PITPNM2: variants seen among roughly 807,000 people sequenced by gnomAD.
PITPNM2 encodes membrane-associated phosphatidylinositol transfer protein 2.
A neutral mutation model predicts 132.2 loss-of-function variants in PITPNM2; 35 were observed. The ratio of observed to expected loss-of-function variants is 0.26; its 90% CI spans 0.20 to 0.35. The LOEUF is 0.35. PITPNM2 is among the 10% of genes least tolerant of loss of function. The probability of loss-of-function intolerance (pLI) is 1.00; values close to 1 mark genes in which losing one functional copy is unlikely to be tolerated. For synonymous variants in PITPNM2, 738 were observed against 799.2 expected (o/e 0.92, Z 1.29); for missense variants, 1,332 against 1,912.0 (o/e 0.70, Z 5.66).
chr12:122,988,589 G>A (rs1400869985), intron 19 of PITPNM2, 135 bp downstream of exon 19: 2 of 951,140 alleles, frequency 2.1e-6, no homozygotes, highest in Middle Eastern at 3.3e-4. Context: ...GAGCATAAAG[G>A]TGCCCTCATC....
chr12:123,017,250 G>T (rs544103780), intron 3 of PITPNM2, among the ~76,000 whole-genome samples: 163 of 151,372 alleles, frequency 1.1e-3, no homozygotes, highest in African/African-American at 3.7e-3. Context: ...GCGCATGCCT[G>T]TAATCCCAGC....
At chr12:123,043,463 A>C (rs1173059133) in intron 2 of PITPNM2, among the ~76,000 whole-genome samples, 1 of 152,100 alleles carries the variant, frequency 6.6e-6, no homozygotes, top group African/African-American at 2.4e-5. Context: ...GGCAGTGAAG[A>C]GGGGGTCCCA....
At chr12:122,988,964 G>A (rs1360076117) in intron 18 of PITPNM2, 92 bp from the exon 19 acceptor site, 8 of 1,348,286 alleles carry the variant, frequency 5.9e-6, no homozygotes, top group African/African-American at 5.9e-5. Context: ...GCTCAGCCCA[G>A]CACAGTCCCC....
At chr12:123,062,168 C>G (rs893192513) in intron 2 of PITPNM2, among the ~76,000 whole-genome samples, 1 of 152,084 alleles carries the variant, frequency 6.6e-6, no homozygotes, top group Non-Finnish European at 1.5e-5. Flanking sequence ...GTTCCTGAGT[C>G]CCCAGACTCC....
chr12:123,032,984 C>A (rs1270199224), intron 3 of PITPNM2, among the ~76,000 whole-genome samples: 2 of 152,224 alleles, frequency 1.3e-5, no homozygotes, highest in Admixed American at 1.3e-4. Flanking sequence ...CAGAAGGCAG[C>A]TGGGGCTGCA....
chr12:122,988,220 C>T lies in PITPNM2; in HGVS notation c.2997+14G>A, dbSNP rs899628032. 2.8e-5 allele frequency: 45 copies of T among 1,610,006 alleles called. No individual in the cohort carries two copies. Among genetic ancestry groups the T allele is most frequent in the African/African-American group, 9.3e-5 (7 of 74,886 alleles). ...GTGACATCGTGGGGGCCTGGGCGCC[C>T]GGGGGACCCTCACCCGCAGCTTCAC... is the stretch of plus-strand genomic sequence containing the variant. On this transcript the variant is annotated intron_variant, in intron 20 of 25. Transcript: ENST00000320201.
At position 123,021,029 on chromosome 12, in the gene PITPNM2, CAAAAAAAAAAA is replaced by C. The variant is rs910751492; in HGVS notation, c.79-6998_79-6988del. 2.8e-4 allele frequency among the ~76,000 whole-genome samples: 7 copies of C among 25,310 alleles called. No homozygotes were observed. In the East Asian group the frequency reaches 5.1e-3, roughly 18 times the overall value. 16.6% of individuals were successfully genotyped at this position (25,310 alleles called of 152,430 possible). On this transcript the variant is annotated intron_variant, in intron 3 of 25. Transcript: ENST00000320201. The stretch of plus-strand genomic sequence containing the variant: ...AGGCGACAAGAGCGAAATTCCATCT[CAAAAAAAAAAA>C]AAAAAAAAAAAAAAAGAAAGTGATT...
chr12:123,007,008 A>G (rs895980652), intron 6 of PITPNM2, among the ~76,000 whole-genome samples: 4 of 152,196 alleles, frequency 2.6e-5, no homozygotes, highest in African/African-American at 9.7e-5. Context: ...GCCCCAGCGA[A>G]GAAACACACC....
In PITPNM2 at chr12:123,038,719, G is replaced by C. The variant is rs573225944; in HGVS notation, c.-95-4034C>G. On this transcript the variant is annotated intron_variant, in intron 2 of 25. Transcript: ENST00000320201. Reference sequence around the variant, plus strand: ...AGTGGCTTCCCACCATGTGCCCCTGGCATGGCCAGGCTGCATCTTGGGGAG... The same window carrying C: ...AGTGGCTTCCCACCATGTGCCCCTGCCATGGCCAGGCTGCATCTTGGGGAG... 4.0e-5 allele frequency among the ~76,000 whole-genome samples: 6 copies of C among 151,696 alleles called. No individual in the cohort carries two copies. The East Asian group carries it at 9.9e-4, about 25-fold the overall frequency.
At position 122,994,675 on chromosome 12, in the gene PITPNM2, G is replaced by A; in HGVS notation, c.2233+126C>T. 1 of 1,107,350 alleles carries A rather than the reference G, an allele frequency of 9.0e-7. No homozygotes were observed. The highest frequency in any genetic ancestry group is 1.2e-6 in the Non-Finnish European group (1 of 807,372). 68.6% of individuals were successfully genotyped at this position (1,107,350 alleles called of 1,614,324 possible). On this transcript the variant is annotated intron_variant, in intron 15 of 25. Coordinates refer to ENST00000320201, the MANE Select transcript of PITPNM2 (RefSeq NM_020845.3). This position sits in a 1 kb window ranked among gnomAD's most constrained non-coding sequence, Gnocchi z 5.4. ...AGGATAGCAAGGGGCCCTTGGTGGG[G>A]AAGACAGGAAGGAGGGCAGAAACAG...
At chr12:123,007,209 T>C (rs1254457538) in intron 6 of PITPNM2, among the ~76,000 whole-genome samples, 2 of 152,198 alleles carry the variant, frequency 1.3e-5, no homozygotes, top group Middle Eastern at 3.2e-3. Flanking sequence ...CTTGCTTCTC[T>C]GGGTGAGTTT....
chr12:122,991,971 C>A, intron 16 of PITPNM2: 1 of 1,259,728 alleles, frequency 7.9e-7, no homozygotes, highest in Non-Finnish European at 1.0e-6. Context: ...CGCTCTGACA[C>A]AGAGACTCAG....
chr12:123,110,124 AT>A (rs1007566397), intron 2 of PITPNM2, among the ~76,000 whole-genome samples: 16 of 149,822 alleles, frequency 1.1e-4, no homozygotes, highest in Non-Finnish European at 1.6e-4. Context: ...CACCCAGTTA[AT>A]TTTTTTTTTC....
intron 1 of PITPNM2, among the ~76,000 whole-genome samples, chr12:123,128,667 C>T (rs1001349569): frequency 3.3e-5 from 5 of 150,116 alleles, no homozygotes; most frequent in Middle Eastern, 3.5e-3. Flanking sequence ...GCAGGAGAAT[C>T]ATTTGAACCC....
At position 123,000,373 on chromosome 12, in the gene PITPNM2, G is replaced by C. The variant is rs969118586; in HGVS notation, c.1224+405C>G. Reference sequence around the variant, plus strand: ...CCCGCGGGGCCATCTTGTCGGCCACGGCCACATCACTTCTGCCTAGACGAC... The same window carrying C: ...CCCGCGGGGCCATCTTGTCGGCCACCGCCACATCACTTCTGCCTAGACGAC... On this transcript the variant is annotated intron_variant, in intron 10 of 25. Transcript: ENST00000320201. The surrounding 1 kb of genome is among the most constrained non-coding windows in gnomAD (Gnocchi z 5.4). The C allele has an allele frequency of 2.4e-5, 17 of 701,442 alleles. No individual in the cohort carries two copies. Among genetic ancestry groups the C allele is most frequent in the Non-Finnish European group, 4.4e-5 (17 of 384,676 alleles). The allele number at this position is 701,442 out of a possible 1,614,324, so 43.5% of individuals were successfully genotyped here.
At chr12:122,990,927 G>A (rs1425434558) in intron 16 of PITPNM2, among the ~76,000 whole-genome samples, 1 of 152,194 alleles carries the variant, frequency 6.6e-6, no homozygotes, top group East Asian at 1.9e-4. Flanking sequence ...AATGGACACA[G>A]ACACAGGGCA....
chr12:123,034,378 A>G, intron 3 of PITPNM2, 135 bp downstream of exon 3: 1 of 800,984 alleles, frequency 1.2e-6, no homozygotes, highest in East Asian at 2.6e-5. Context: ...GGTCCAGCAC[A>G]ATTCACACTT....
Position 123,077,091 on chromosome 12 carries a change from C to T in PITPNM2, c.-96+33294G>A, listed in dbSNP as rs73230051. Among the ~76,000 whole-genome samples the T allele has an allele frequency of 0.2, 30,273 of 152,040 alleles. 4,003 individuals are homozygous for T. The highest frequency in any genetic ancestry group is 0.3 in the Non-Finnish European group (20,087 of 67,942). ...TACTGGGGATGGGGAAGAAATGATG[C>T]AGAATGTTGACCCACTGGGCAGCAG... On this transcript the variant is annotated intron_variant, in intron 2 of 25. Transcript: ENST00000320201. This position sits in a 1 kb window ranked among gnomAD's most constrained non-coding sequence, Gnocchi z 4.8.
chr12:123,004,684 G>A lies in PITPNM2; in HGVS notation c.953-195C>T, dbSNP rs539032200. ...AGCGGCCTAGGCTCATCTCCTGTCCGCCTGGCACAAGGCAGTCATGTCCCG... is the reference window on the plus strand; with the variant it reads ...AGCGGCCTAGGCTCATCTCCTGTCCACCTGGCACAAGGCAGTCATGTCCCG... On this transcript the variant is annotated intron_variant, in intron 7 of 25. Coordinates refer to ENST00000320201, the MANE Select transcript of PITPNM2 (RefSeq NM_020845.3). This position sits in a 1 kb window ranked among gnomAD's most constrained non-coding sequence, Gnocchi z 4.9. The A allele has an allele frequency of 4.0e-5, 25 of 620,716 alleles. No individual in the cohort carries two copies. The highest frequency in any genetic ancestry group is 2.5e-4 in the African/African-American group (14 of 55,018). 38.5% of individuals were successfully genotyped at this position (620,716 alleles called of 1,614,324 possible).
Sources: gnomAD v4.1 joint callset for allele counts (sites outside exome capture counted in the v4.1 genomes callset) on GRCh38, gnomAD v4.1.1 for gene constraint, Gnocchi (gnomAD v3.1) non-coding constraint, MANE v1.5 for transcripts, NCBI Gene and HGNC (gene_info 2026-07-23, HGNC 2026-07-21) for gene names.